The following NR3C2 variants were observed in gnomAD, a reference collection of about 807,000 sequenced individuals.
NR3C2 encodes the protein nuclear receptor subfamily 3 group C member 2, also known as mineralocorticoid receptor.
NR3C2 carries 15 observed loss-of-function variants against 86.4 expected under a neutral mutation model. The ratio of observed to expected loss-of-function variants is 0.17; its 90% CI spans 0.12 to 0.27. The LOEUF (loss-of-function observed/expected upper bound fraction) is 0.27, where lower values mean the gene tolerates loss of function less well. Ranked by LOEUF, NR3C2 falls within the 10% of genes least tolerant of loss-of-function variation. NR3C2 has a pLI of 1.00. For missense variants in NR3C2, 960 were observed against 1,195.6 expected (o/e 0.80, Z 2.91); for synonymous variants, 458 against 450.5 (o/e 1.02, Z -0.21).
intron 1 of NR3C2, 110 bp from the exon 2 acceptor site, chr4:148,436,972 G>A (rs1750113410): frequency 1.2e-6 from 1 of 855,616 alleles, no homozygotes; most frequent in African/African-American, 1.7e-5. Flanking sequence ...TACTTATTAT[G>A]AGCAACATTT....
At chr4:148,402,267 G>A (rs1379031827) in intron 2 of NR3C2, among the ~76,000 whole-genome samples, 2 of 152,134 alleles carry the variant, frequency 1.3e-5, no homozygotes, top group South Asian at 2.1e-4. Context: ...TAATTATTCT[G>A]AACTAGGAAA....
intron 3 of NR3C2, among the ~76,000 whole-genome samples, chr4:148,226,543 A>C (rs1738174917): frequency 6.6e-6 from 1 of 152,182 alleles, no homozygotes; most frequent in South Asian, 2.1e-4. Flanking sequence ...TTGTGTGGAC[A>C]TGTGTATTCA....
chr4:148,170,600 C>T (rs1578967862), intron 4 of NR3C2, among the ~76,000 whole-genome samples: 1 of 152,168 alleles, frequency 6.6e-6, no homozygotes, highest in African/African-American at 2.4e-5. Context: ...ACAAACAGCT[C>T]GACCTGGACT....
chr4:148,394,196 C>G (rs982322600), intron 2 of NR3C2, among the ~76,000 whole-genome samples: 3 of 152,134 alleles, frequency 2.0e-5, no homozygotes, highest in Non-Finnish European at 2.9e-5. Flanking sequence ...ATCAGAGGAC[C>G]AGAGCTGCCT....
chr4:148,198,423 C>T (rs1003978712), intron 3 of NR3C2, among the ~76,000 whole-genome samples: 19 of 152,022 alleles, frequency 1.2e-4, no homozygotes, highest in Admixed American at 1.2e-3. Context: ...GGTCTCTAAG[C>T]GTCAATAGCA....
chr4:148,163,296 G>T (rs6816503), intron 4 of NR3C2, among the ~76,000 whole-genome samples: 25,427 of 152,162 alleles, frequency 0.17, 3,213 homozygotes, highest in African/African-American at 0.35. Context: ...AGAAAGTGAT[G>T]AAATGAGTTA....
chr4:148,152,200 C>A (rs1734134318), intron 6 of NR3C2, among the ~76,000 whole-genome samples: 1 of 152,142 alleles, frequency 6.6e-6, no homozygotes, highest in Non-Finnish European at 1.5e-5. Flanking sequence ...ATTTTCAGAG[C>A]CAACTGGATC....
At chr4:148,319,658 T>C (rs1451862844) in intron 2 of NR3C2, among the ~76,000 whole-genome samples, 2 of 151,022 alleles carry the variant, frequency 1.3e-5, no homozygotes, top group Non-Finnish European at 2.9e-5. Flanking sequence ...GGGAGTTCAC[T>C]CATGATTTGG....
intron 4 of NR3C2, among the ~76,000 whole-genome samples, chr4:148,171,904 G>A (rs1007255641): frequency 3.3e-4 from 50 of 152,210 alleles, no homozygotes; most frequent in African/African-American, 1.2e-3. Flanking sequence ...GAAGACAGGT[G>A]TTCCTCCCAC....
intron 2 of NR3C2, among the ~76,000 whole-genome samples, chr4:148,396,581 GA>G (rs1468721338): frequency 6.6e-6 from 1 of 152,150 alleles, no homozygotes; most frequent in Non-Finnish European, 1.5e-5. Context: ...ATTAAACTAT[GA>G]AAAACAAGCA....
At chr4:148,307,199 CA>C (rs1312906518) in intron 2 of NR3C2, among the ~76,000 whole-genome samples, 1 of 151,502 alleles carries the variant, frequency 6.6e-6, no homozygotes, top group Non-Finnish European at 1.5e-5. Context: ...AGAGAAATGA[CA>C]ACTATCATTC....
rs1041297604 is a variant in NR3C2 at position 148,079,947 on chromosome 4, A to G, written c.*1397T>C. On this transcript the variant is annotated 3_prime_UTR_variant, in exon 9 of 9. Transcript: ENST00000358102. ...ATCAGAAGGGAATAGCTGATCTTTAACAGAGAGAGAGTGCATGGAATTTTT... is the reference window on the plus strand; with the variant it reads ...ATCAGAAGGGAATAGCTGATCTTTAGCAGAGAGAGAGTGCATGGAATTTTT... The G allele has an allele frequency of 2.6e-5, 4 of 152,230 alleles. No homozygotes were observed. Among genetic ancestry groups the G allele is most frequent in the Non-Finnish European group, 5.9e-5 (4 of 68,046 alleles). The allele number at this position is 152,230 out of a possible 1,614,324, so 9.4% of individuals were successfully genotyped here. A position where few individuals can be genotyped will look rare whatever the true frequency, so the allele number is the denominator to read the frequency against.
chr4:148,189,782 C>T (rs944885043), intron 4 of NR3C2, among the ~76,000 whole-genome samples: 1 of 152,030 alleles, frequency 6.6e-6, no homozygotes, highest in African/African-American at 2.4e-5. Flanking sequence ...TGTATTTTTC[C>T]AAGATTTTAT....
chr4:148,201,802 C>G (rs1344864233), intron 3 of NR3C2, among the ~76,000 whole-genome samples: 1 of 152,210 alleles, frequency 6.6e-6, no homozygotes, highest in South Asian at 2.1e-4. Flanking sequence ...ATACCCCCTT[C>G]AACTCCCCAT....
chr4:148,435,042 A>T, intron 2 of NR3C2, 62 bp downstream of exon 2: 2 of 1,462,454 alleles, frequency 1.4e-6, no homozygotes, highest in Non-Finnish European at 9.6e-7. Context: ...CTGTAAAGAT[A>T]ATGCTAACCT....
chr4:148,323,842 C>T (rs1054556493), intron 2 of NR3C2, among the ~76,000 whole-genome samples: 18 of 149,578 alleles, frequency 1.2e-4, no homozygotes, highest in South Asian at 8.6e-4. Flanking sequence ...CCGTCTTCTG[C>T]GTCGCTCACG....
chr4:148,145,415 T>C (rs549660575), intron 6 of NR3C2, among the ~76,000 whole-genome samples: 1 of 152,244 alleles, frequency 6.6e-6, no homozygotes, highest in East Asian at 1.9e-4. Context: ...AAGTCAAAGG[T>C]CAAACTGCAC....
intron 2 of NR3C2, among the ~76,000 whole-genome samples, chr4:148,372,576 C>T (rs1011843309): frequency 6.6e-6 from 1 of 151,868 alleles, no homozygotes; most frequent in African/African-American, 2.4e-5. Flanking sequence ...TGCCTACAAG[C>T]AATCTAGTTC....
chr4:148,182,310 A>G (rs1395629675), intron 4 of NR3C2, among the ~76,000 whole-genome samples: 6 of 152,210 alleles, frequency 3.9e-5, no homozygotes, highest in African/African-American at 1.4e-4. Context: ...TTTCTCCCAA[A>G]TTGAAACTAA....
Sources: gnomAD v4.1 joint callset for allele counts (sites outside exome capture counted in the v4.1 genomes callset) on GRCh38, gnomAD v4.1.1 for gene constraint, MANE v1.5 for transcripts, NCBI Gene and HGNC (gene_info 2026-07-23, HGNC 2026-07-21) for gene names.